The following ERC1 variants were observed in gnomAD, a reference collection of about 807,000 sequenced individuals.
ERC1 encodes ELKS/RAB6-interacting/CAST family member 1, also known as RAB6 interacting protein 2.
A neutral mutation model predicts 132.0 loss-of-function variants in ERC1; 56 were observed. That is an observed-to-expected ratio of 0.42 (90% confidence interval 0.34 to 0.53). The LOEUF is 0.53. ERC1 is among the 20% of genes least tolerant of loss of function. The pLI, the probability that ERC1 is intolerant of heterozygous loss-of-function variation, is 0.03. For synonymous variants in ERC1, 478 were observed against 476.1 expected, an observed-to-expected ratio of 1.00 and a Z score of -0.05; for missense variants, 1,202 against 1,349.9, an observed-to-expected ratio of 0.89 and a Z score of 1.72.
chr12:1,374,464 G>A (rs952322173), intron 16 of ERC1, among the ~76,000 whole-genome samples: 1 of 152,144 alleles, frequency 6.6e-6, no homozygotes, highest in African/African-American at 2.4e-5. Context: ...ATCAGAGGAA[G>A]GGGCCAGGGC....
chr12:1,183,235 A>C (rs769193173), intron 10 of ERC1, 46 bp from the exon 11 acceptor site: 9 of 774,012 alleles, frequency 1.2e-5, no homozygotes, highest in Non-Finnish European at 1.5e-5. Flanking sequence ...TTAAACCTCT[A>C]TTTTTTTTAA....
intron 8 of ERC1, among the ~76,000 whole-genome samples, chr12:1,147,327 A>G (rs149664427): frequency 1.1e-3 from 174 of 152,238 alleles, no homozygotes; most frequent in African/African-American, 3.9e-3. Flanking sequence ...TCATAAAGGG[A>G]TGCTGGATTT....
intron 14 of ERC1, among the ~76,000 whole-genome samples, chr12:1,286,014 G>A (rs74856021): frequency 0.013 from 1,998 of 152,250 alleles, 44 homozygotes; most frequent in African/African-American, 0.045. Context: ...CTGGCTAGGC[G>A]TGGTTAATTT....
chr12:1,121,877 ATCTGTG>A (rs1566015131), intron 7 of ERC1, among the ~76,000 whole-genome samples: 2 of 57,580 alleles, frequency 3.5e-5, no homozygotes, highest in African/African-American at 1.8e-4. Context: ...CTCTATCTCT[ATCTGTG>A]TCTCTATCTC....
intron 14 of ERC1, 113 bp from the exon 15 acceptor site, chr12:1,289,739 A>G (rs555474133): frequency 7.5e-5 from 55 of 729,034 alleles, no homozygotes; most frequent in African/African-American, 2.8e-4. Context: ...AGAATTTTCA[A>G]TGTGTTCCTG....
rs550078937 is a variant in ERC1 at position 1,182,660 on chromosome 12, A to ATTTT, written c.2016+604_2016+607dup. Reference sequence around the variant, plus strand: ...TTTTCTTTTAATAGGGAAAAATGTGATTTTTTTTTTTTCTTTTAAGAGACT... The same window carrying ATTTT: ...TTTTCTTTTAATAGGGAAAAATGTGATTTTTTTTTTTTTTTTCTTTTAAGAGACT... On this transcript the variant is annotated intron_variant, in intron 10 of 18. Coordinates refer to ENST00000360905, the MANE Select transcript of ERC1 (RefSeq NM_178040.4). Among the ~76,000 whole-genome samples the ATTTT allele has an allele frequency of 3.3e-3, 489 of 146,850 alleles. 4 individuals carry two copies. Among genetic ancestry groups the ATTTT allele is most frequent in the African/African-American group, 0.01 (408 of 40,446 alleles).
At chr12:1,094,778 C>T (rs1198967841) in intron 3 of ERC1, among the ~76,000 whole-genome samples, 2 of 152,142 alleles carry the variant, frequency 1.3e-5, no homozygotes, top group African/African-American at 4.8e-5. Context: ...ATTTTCTGAG[C>T]ACACTACTAT....
intron 15 of ERC1, among the ~76,000 whole-genome samples, chr12:1,361,182 T>C (rs1388941354): frequency 6.8e-6 from 1 of 147,658 alleles, no homozygotes; most frequent in Admixed American, 7.0e-5. Flanking sequence ...GATATGCTAT[T>C]TCAGTCTCTG....
intron 8 of ERC1, among the ~76,000 whole-genome samples, chr12:1,146,081 A>G (rs1380102626): frequency 6.6e-6 from 1 of 151,984 alleles, no homozygotes; most frequent in Non-Finnish European, 1.5e-5. Context: ...TATGAATTTT[A>G]GGATTGTTTT....
intron 1 of ERC1, 56 bp from the exon 2 acceptor site, chr12:1,027,692 C>G (rs970079999): frequency 3.5e-5 from 19 of 545,868 alleles, no homozygotes; most frequent in Middle Eastern, 9.5e-4. Context: ...TGGAAAGTCT[C>G]TGAGAAGGGA....
chr12:1,200,255 A>G lies in ERC1; in HGVS notation c.2351+10203A>G, dbSNP rs370314880. On this transcript the variant is annotated intron_variant, in intron 12 of 18. Transcript: ENST00000360905. ...CCAATTTTTGGCTTGATAGCAGTCA[A>G]ATTTTGAAGATGAATGCTTTTTTTC... Among the ~76,000 whole-genome samples the G allele has an allele frequency of 1.6e-3, 238 of 152,290 alleles. 1 individual carries two copies. The highest frequency in any genetic ancestry group is 4.4e-3 in the South Asian group (21 of 4,822).
rs187276359 is a variant in ERC1 at position 1,332,382 on chromosome 12, G to C, written c.2781-39451G>C. Among the ~76,000 whole-genome samples the C allele has an allele frequency of 5.2e-3, 795 of 152,254 alleles. 7 individuals are homozygous for C. The highest frequency in any genetic ancestry group is 0.018 in the African/African-American group (751 of 41,532). ...TCCTGAATTATTTGTGTTTCCTACA[G>C]CCTTAGTTGTTAAACTCATGTATCT... is the stretch of plus-strand genomic sequence containing the variant. On this transcript the variant is annotated intron_variant, in intron 15 of 18. Transcript: ENST00000360905.
chr12:1,031,083 T>C (rs1967948731), intron 2 of ERC1, among the ~76,000 whole-genome samples: 1 of 152,246 alleles, frequency 6.6e-6, no homozygotes, highest in South Asian at 2.1e-4. Flanking sequence ...TATTCAGATC[T>C]ACTGTTTTGG....
intron 18 of ERC1, among the ~76,000 whole-genome samples, chr12:1,474,169 A>G (rs1429558476): frequency 6.6e-6 from 1 of 152,196 alleles, no homozygotes; most frequent in African/African-American, 2.4e-5. Flanking sequence ...AAGGCTCCGA[A>G]CATCATGCCA....
intron 18 of ERC1, among the ~76,000 whole-genome samples, chr12:1,476,942 T>C (rs1345610013): frequency 1.3e-5 from 2 of 152,204 alleles, no homozygotes; most frequent in Non-Finnish European, 2.9e-5. Flanking sequence ...AGAAGAATAT[T>C]TTATCACATG....
rs542940581 is a variant in ERC1, at chr12:1,023,505, T to C, written c.-156-4243T>C. On this transcript the variant is annotated intron_variant, in intron 1 of 18. Transcript: ENST00000360905. The stretch of plus-strand genomic sequence containing the variant: ...GGGGGCATGGTGTATTTGAGGTGCA[T>C]GTGAGGAGTATAAGTGAAGATGTCC... Among the ~76,000 whole-genome samples, 20 of 152,112 alleles carry C rather than the reference T, an allele frequency of 1.3e-4. 1 individual carries two copies. The South Asian group carries it at 4.2e-3, about 32-fold the overall frequency.
intron 2 of ERC1, among the ~76,000 whole-genome samples, chr12:1,065,044 A>T (rs1593056892): frequency 6.6e-6 from 1 of 151,198 alleles, no homozygotes; most frequent in African/African-American, 2.4e-5. Context: ...TCTGTTGCCC[A>T]GGCTGGAGTG....
At chr12:1,005,522 A>G (rs1480913645) in intron 1 of ERC1, among the ~76,000 whole-genome samples, 2 of 152,174 alleles carry the variant, frequency 1.3e-5, no homozygotes, top group Admixed American at 1.3e-4. Context: ...TAAAGTTATT[A>G]AACAGAAAAA....
intron 16 of ERC1, among the ~76,000 whole-genome samples, chr12:1,405,694 C>T (rs2091441861): frequency 6.6e-6 from 1 of 152,068 alleles, no homozygotes; most frequent in South Asian, 2.1e-4. Context: ...CAGAGCAAGA[C>T]TCCATCTCAA....
Sources: gnomAD v4.1 joint callset for allele counts (sites outside exome capture counted in the v4.1 genomes callset) on GRCh38, gnomAD v4.1.1 for gene constraint, MANE v1.5 for transcripts, NCBI Gene and HGNC (gene_info 2026-07-23, HGNC 2026-07-21) for gene names.